KDM4C: variants seen among roughly 807,000 people sequenced by gnomAD.
KDM4C encodes lysine demethylase 4C, also known as lysine-specific demethylase 4C.
A neutral mutation model predicts 129.3 loss-of-function variants in KDM4C; 81 were observed. The ratio of observed to expected loss-of-function variants is 0.63; its 90% confidence interval spans 0.52 to 0.75. The LOEUF is 0.75. Among genes scored for constraint, KDM4C ranks in the 30% least tolerant of loss-of-function variants. The probability of loss-of-function intolerance (pLI) is 0.00; values close to 1 mark genes in which losing one functional copy is unlikely to be tolerated. For missense variants in KDM4C, 1,457 were observed against 1,304.0 expected (o/e 1.12, Z -1.81); for synonymous variants, 573 against 456.1 (o/e 1.26, Z -3.26).
intron 13 of KDM4C, among the ~76,000 whole-genome samples, chr9:7,013,306 CAT>C (rs1455694349): frequency 2.6e-5 from 4 of 152,088 alleles, no homozygotes; most frequent in Non-Finnish European, 5.9e-5. Flanking sequence ...TATTTAGTGA[CAT>C]GTGCCAGTTC....
At chr9:6,786,009 T>C (rs1825405857) in intron 1 of KDM4C, among the ~76,000 whole-genome samples, 1 of 152,228 alleles carries the variant, frequency 6.6e-6, no homozygotes, top group Admixed American at 6.5e-5. Flanking sequence ...TGTTTTAAAG[T>C]AGATACTGAA....
At chr9:6,774,345 G>C (rs1364817121) in intron 1 of KDM4C, among the ~76,000 whole-genome samples, 1 of 152,090 alleles carries the variant, frequency 6.6e-6, no homozygotes, top group East Asian at 1.9e-4. Context: ...AAGAGTAATT[G>C]CTTGACATAC....
At chr9:6,951,774 A>C (rs1479118297) in intron 8 of KDM4C, among the ~76,000 whole-genome samples, 1 of 152,234 alleles carries the variant, frequency 6.6e-6, no homozygotes, top group Non-Finnish European at 1.5e-5. Context: ...ATTCATTTAT[A>C]ATTAAAAGAG....
Position 7,170,015 on chromosome 9 carries a change from AC to A in KDM4C, c.2994+126del, listed in dbSNP as rs1407007163. 1.9e-6 allele frequency: 3 copies of A among 1,551,172 alleles called. No individual in the cohort carries two copies. The East Asian group carries it at 7.3e-5, about 38-fold the overall frequency. Reference sequence around the variant, plus strand: ...ATTAATTCTAAAAAAAGCCAATGCAACATTTTCCTTAGTGGAACCTATTGAA... The same window carrying A: ...ATTAATTCTAAAAAAAGCCAATGCAAATTTTCCTTAGTGGAACCTATTGAA... On this transcript the variant is annotated intron_variant, in intron 21 of 21. Transcript: ENST00000381309.
intron 7 of KDM4C, among the ~76,000 whole-genome samples, chr9:6,890,539 C>T (rs1320470411): frequency 6.6e-6 from 1 of 152,012 alleles, no homozygotes; most frequent in Non-Finnish European, 1.5e-5. Flanking sequence ...TCTTCTCTAG[C>T]TTCTTTTATG....
intron 8 of KDM4C, among the ~76,000 whole-genome samples, chr9:6,901,751 C>G (rs1418748041): frequency 6.6e-6 from 1 of 152,196 alleles, no homozygotes; most frequent in Admixed American, 6.5e-5. Flanking sequence ...TTGACAGAAT[C>G]TGCCACAATA....
At chr9:6,994,407 C>G (rs1586778324) in intron 12 of KDM4C, among the ~76,000 whole-genome samples, 1 of 152,134 alleles carries the variant, frequency 6.6e-6, no homozygotes, top group South Asian at 2.1e-4. Flanking sequence ...CCCTTGTCAC[C>G]ACTCACCTCT....
At chr9:6,912,877 AT>A (rs1040047567) in intron 8 of KDM4C, among the ~76,000 whole-genome samples, 4 of 151,440 alleles carry the variant, frequency 2.6e-5, no homozygotes, top group African/African-American at 7.3e-5. Context: ...GGAAAAGAAT[AT>A]TTTTTTTCAC....
intron 1 of KDM4C, among the ~76,000 whole-genome samples, chr9:6,752,321 A>T (rs1335817652): frequency 9.1e-6 from 1 of 109,966 alleles, no homozygotes; most frequent in Non-Finnish European, 1.8e-5. Flanking sequence ...CGACAGAGCG[A>T]AACTCCGTCT....
chr9:6,867,962 GT>G, intron 5 of KDM4C, among the ~76,000 whole-genome samples: 1 of 152,174 alleles, frequency 6.6e-6, no homozygotes, highest in Non-Finnish European at 1.5e-5. Context: ...AATGTTTTCT[GT>G]GATAGGTCCC....
chr9:6,829,282 A>G (rs1374497098), intron 4 of KDM4C, among the ~76,000 whole-genome samples: 1 of 152,234 alleles, frequency 6.6e-6, no homozygotes, highest in East Asian at 1.9e-4. Context: ...GACATTAGGC[A>G]TGGTGAGCAA....
At chr9:7,067,877 G>T (rs1387517985) in intron 17 of KDM4C, among the ~76,000 whole-genome samples, 1 of 151,952 alleles carries the variant, frequency 6.6e-6, no homozygotes, top group Non-Finnish European at 1.5e-5. Flanking sequence ...CTCACTGCAA[G>T]CTCCGTCTCC....
intron 2 of KDM4C, among the ~76,000 whole-genome samples, chr9:6,800,379 C>G (rs765360711): frequency 8.6e-5 from 13 of 151,190 alleles, no homozygotes; most frequent in Admixed American, 1.3e-4. Flanking sequence ...AGCAAACAAA[C>G]AAACAAAAAA....
At chr9:7,049,798 C>T (rs1305824851) in intron 17 of KDM4C, among the ~76,000 whole-genome samples, 1 of 152,042 alleles carries the variant, frequency 6.6e-6, no homozygotes. Context: ...TTGTCTTTAA[C>T]ATTGAAGTAA....
intron 8 of KDM4C, among the ~76,000 whole-genome samples, chr9:6,933,520 A>G (rs2131328132): frequency 6.6e-6 from 1 of 152,332 alleles, no homozygotes; most frequent in African/African-American, 2.4e-5. Flanking sequence ...TCCCCTGGGA[A>G]TCTGGCTCTG....
intron 4 of KDM4C, among the ~76,000 whole-genome samples, chr9:6,828,188 C>G (rs943365415): frequency 1.3e-5 from 2 of 152,142 alleles, no homozygotes; most frequent in East Asian, 3.9e-4. Context: ...CGCACTGTCG[C>G]CCAGGCTGGA....
In KDM4C at chr9:7,119,591, C is replaced by T. The variant is rs547103824; in HGVS notation, c.2611-8475C>T. On this transcript the variant is annotated intron_variant, in intron 18 of 21. Coordinates refer to ENST00000381309, the MANE Select transcript of KDM4C (RefSeq NM_015061.6). ...AGTATTTAATGCATTATTTTAAAAG[C>T]ATATTTGTTTTTCCTTTCCGGTCAG... 2.0e-5 allele frequency among the ~76,000 whole-genome samples: 3 copies of T among 149,202 alleles called. No individual in the cohort carries two copies. In the South Asian group the frequency reaches 6.3e-4, roughly 32 times the overall value.
chr9:6,804,473 A>G (rs1322218106), intron 2 of KDM4C, among the ~76,000 whole-genome samples: 1 of 152,142 alleles, frequency 6.6e-6, no homozygotes, highest in Non-Finnish European at 1.5e-5. Context: ...AAAGAATATA[A>G]TGTTGGCCGG....
At chr9:6,861,078 C>T (rs1035862850) in intron 5 of KDM4C, among the ~76,000 whole-genome samples, 3 of 152,046 alleles carry the variant, frequency 2.0e-5, no homozygotes, top group Non-Finnish European at 4.4e-5. Flanking sequence ...GAAATAAATC[C>T]CTGCACTGGA....
Sources: allele counts gnomAD v4.1 joint callset (sites outside exome capture counted in the v4.1 genomes callset), GRCh38; gene constraint gnomAD v4.1.1; transcripts MANE v1.5; gene names NCBI Gene and HGNC (gene_info 2026-07-23, HGNC 2026-07-21).